SPATA17: variants seen among roughly 807,000 people sequenced by gnomAD.
SPATA17 encodes spermatogenesis associated 17, also known as spermatogenesis-associated protein 17.
SPATA17 carries 53 observed loss-of-function variants against 62.2 expected under a neutral mutation model. The observed-to-expected ratio is 0.85, with a 90% CI of 0.68 to 1.07. SPATA17 has a LOEUF of 1.07. SPATA17 is among the 50% of genes least tolerant of loss of function. The probability of loss-of-function intolerance (pLI) is 0.00; values close to 1 mark genes in which losing one functional copy is unlikely to be tolerated. For missense variants in SPATA17, 466 were observed against 425.5 expected (o/e 1.10, Z -0.84); for synonymous variants, 146 against 146.8 (o/e 0.99, Z 0.04).
At chr1:217,663,957 G>A (rs1670627615) in intron 3 of SPATA17, among the ~76,000 whole-genome samples, 1 of 151,864 alleles carries the variant, frequency 6.6e-6, no homozygotes, top group Non-Finnish European at 1.5e-5. Context: ...TGCGAAGAAG[G>A]ATTTTAAAAC....
chr1:217,711,793 C>T (rs1671871076), intron 5 of SPATA17, among the ~76,000 whole-genome samples: 1 of 152,174 alleles, frequency 6.6e-6, no homozygotes, highest in Non-Finnish European at 1.5e-5. Context: ...TGGGAAGAGA[C>T]TGGGACTATA....
At chr1:217,839,381 T>C (rs1675337483) in intron 9 of SPATA17, among the ~76,000 whole-genome samples, 1 of 152,080 alleles carries the variant, frequency 6.6e-6, no homozygotes, top group Non-Finnish European at 1.5e-5. Flanking sequence ...TGTGGAATGG[T>C]CACAGCTTGT....
intron 9 of SPATA17, among the ~76,000 whole-genome samples, chr1:217,843,471 T>G (rs1455445844): frequency 6.6e-6 from 1 of 152,004 alleles, no homozygotes; most frequent in African/African-American, 2.4e-5. Flanking sequence ...AATGAAATTT[T>G]TTTGATACAT....
chr1:217,829,627 CAAAAAAAAAAAA>C (rs397982930), intron 9 of SPATA17, among the ~76,000 whole-genome samples: 3 of 46,758 alleles, frequency 6.4e-5, no homozygotes, highest in East Asian at 9.0e-4. Flanking sequence ...GACTCCATCT[CAAAAAAAAAAAA>C]AAAAAAAAAA....
At chr1:217,862,376 G>A (rs1040277760) in intron 9 of SPATA17, among the ~76,000 whole-genome samples, 2 of 152,128 alleles carry the variant, frequency 1.3e-5, no homozygotes, top group East Asian at 1.9e-4. Context: ...CTATGATAGT[G>A]ATTTGGCTGT....
intron 5 of SPATA17, among the ~76,000 whole-genome samples, chr1:217,729,717 T>G (rs1672357824): frequency 9.2e-5 from 14 of 152,176 alleles, no homozygotes; most frequent in Admixed American, 9.2e-4. Context: ...AAAAACAGTC[T>G]GCCATTTATT....
intron 6 of SPATA17, among the ~76,000 whole-genome samples, chr1:217,761,099 T>A (rs556576529): frequency 5.9e-5 from 9 of 152,296 alleles, no homozygotes; most frequent in African/African-American, 2.2e-4. Flanking sequence ...TAACTCTTGG[T>A]AAGGCCACCA....
intron 1 of SPATA17, among the ~76,000 whole-genome samples, chr1:217,635,539 A>C (rs1281257950): frequency 6.6e-6 from 1 of 152,044 alleles, no homozygotes; most frequent in East Asian, 1.9e-4. Flanking sequence ...CCCTGTCGCT[A>C]CTAAAAATAC....
chr1:217,653,617 G>A (rs1404127381), intron 3 of SPATA17, among the ~76,000 whole-genome samples: 1 of 139,230 alleles, frequency 7.2e-6, no homozygotes, highest in Non-Finnish European at 1.5e-5. Context: ...AGAAACAATC[G>A]TTTTAAGAAT....
Position 217,834,778 on chromosome 1 carries a change from G to A in SPATA17, c.1006-27996G>A, listed in dbSNP as rs568360767. On this transcript the variant is annotated intron_variant, in intron 9 of 10. Coordinates refer to ENST00000366933, the MANE Select transcript of SPATA17 (RefSeq NM_138796.4). ...TTTATAAATTTAGTGTAGTCTAAGT[G>A]TACAGTGTTTATATATGAAGTCTAC... is the stretch of plus-strand genomic sequence containing the variant. 4.4e-4 allele frequency among the ~76,000 whole-genome samples: 67 copies of A among 152,180 alleles called. No homozygotes were observed. The South Asian group carries it at 0.013, about 30-fold the overall frequency.
At chr1:217,816,840 T>G (rs1488010607) in intron 9 of SPATA17, among the ~76,000 whole-genome samples, 1 of 152,086 alleles carries the variant, frequency 6.6e-6, no homozygotes, top group Non-Finnish European at 1.5e-5. Flanking sequence ...ATCCTTGTAT[T>G]CCTGGCATAA....
intron 9 of SPATA17, among the ~76,000 whole-genome samples, chr1:217,820,905 T>C (rs909009682): frequency 4.6e-5 from 7 of 152,104 alleles, no homozygotes; most frequent in African/African-American, 1.4e-4. Flanking sequence ...ACAAGAAGCA[T>C]GCTGCTGGCA....
chr1:217,871,370 T>G lies in SPATA17; in HGVS notation c.*4351T>G, dbSNP rs912655466. ...TTTCTGTGCTAAATTCATCTTTAAT[T>G]TATTATTTTTTTTCAACCTCAGCTT... On this transcript the variant is annotated 3_prime_UTR_variant, in exon 11 of 11. Transcript: ENST00000366933. 6.6e-6 allele frequency: 1 copy of G among 152,126 alleles called. No homozygotes were observed. Among genetic ancestry groups the G allele is most frequent in the African/African-American group, 2.4e-5 (1 of 41,438 alleles). The allele number at this position is 152,126 out of a possible 1,614,324, so 9.4% of individuals were successfully genotyped here.
Position 217,820,913 on chromosome 1 carries a change from G to T in SPATA17, c.1005+19063G>T, listed in dbSNP as rs569270799. Reference sequence around the variant, plus strand: ...AGGCTGCACAAGAAGCATGCTGCTGGCATCTGCTCAGCTTCTCGTGAGGGA... The same window carrying T: ...AGGCTGCACAAGAAGCATGCTGCTGTCATCTGCTCAGCTTCTCGTGAGGGA... On this transcript the variant is annotated intron_variant, in intron 9 of 10. Transcript: ENST00000366933. 2.6e-5 allele frequency among the ~76,000 whole-genome samples: 4 copies of T among 152,158 alleles called. No homozygotes were observed. In the South Asian group the frequency reaches 6.2e-4, roughly 24 times the overall value.
intron 1 of SPATA17, among the ~76,000 whole-genome samples, chr1:217,644,130 A>C (rs1670130466): frequency 6.6e-6 from 1 of 152,158 alleles, no homozygotes; most frequent in South Asian, 2.1e-4. Context: ...CATTCGACCA[A>C]CTATGGTAAC....
At chr1:217,668,984 T>A (rs372863510) in intron 3 of SPATA17, 49 bp from the exon 4 acceptor site, 111 of 1,497,216 alleles carry the variant, frequency 7.4e-5, no homozygotes, top group Non-Finnish European at 1.0e-4. Flanking sequence ...TAGGCTGCAC[T>A]GTCTTTGTGT....
intron 8 of SPATA17, among the ~76,000 whole-genome samples, chr1:217,799,122 GATAA>G (rs1674230413): frequency 6.6e-6 from 1 of 151,866 alleles, no homozygotes; most frequent in Non-Finnish European, 1.5e-5. Context: ...CTAATTTGAA[GATAA>G]ATGTTATTTA....
intron 5 of SPATA17, among the ~76,000 whole-genome samples, chr1:217,731,215 C>T (rs1319400270): frequency 2.6e-5 from 4 of 151,936 alleles, no homozygotes; most frequent in Non-Finnish European, 5.9e-5. Flanking sequence ...TCATTGTACA[C>T]TCTATAGATG....
chr1:217,751,398 TC>T (rs1357480557), intron 6 of SPATA17, among the ~76,000 whole-genome samples: 3 of 152,186 alleles, frequency 2.0e-5, no homozygotes, highest in African/African-American at 7.2e-5. Flanking sequence ...GATCTTTGGA[TC>T]CATAGTTTAA....
Sources: gnomAD v4.1 joint callset for allele counts (sites outside exome capture counted in the v4.1 genomes callset) on GRCh38, gnomAD v4.1.1 for gene constraint, MANE v1.5 for transcripts, NCBI Gene and HGNC (gene_info 2026-07-23, HGNC 2026-07-21) for gene names.